Variants in SSB observed in about 807,000 individuals in gnomAD.
SSB encodes the protein lupus La protein.
A neutral mutation model predicts 52.9 loss-of-function variants in SSB; 17 were observed. The observed-to-expected ratio is 0.32, with a 90% CI of 0.22 to 0.48. The LOEUF (loss-of-function observed/expected upper bound fraction) is 0.48. Ranked by LOEUF, SSB falls within the 20% of genes least tolerant of loss-of-function variation. The probability of loss-of-function intolerance (pLI) is 0.99; values close to 1 mark genes in which losing one functional copy is unlikely to be tolerated. For synonymous variants in SSB, 111 were observed against 152.1 expected (o/e 0.73, Z 1.99); for missense variants, 314 against 463.6 (o/e 0.68, Z 2.96).
chr2:169,806,326 A>T (rs945780539), intron 4 of SSB, among the ~76,000 whole-genome samples: 1 of 152,186 alleles, frequency 6.6e-6, no homozygotes, highest in African/African-American at 2.4e-5. Context: ...TGAGAATTAA[A>T]TGAAAAAAAA....
chr2:169,811,276 T>C lies in SSB; in HGVS notation c.1091T>C (p.Phe364Ser). ...CAGTTTCAGGGCAAGAAAACGAAAT[T>C]TGCTAGTGATGATGAACATGATGAA... ...KVQFQGKKTK[F>S]ASDDEHDEHD... is the part of the protein sequence containing the mutation. Residue 364 changes from phenylalanine to serine, a missense_variant, in exon 11 of 12, where the codon TTT becomes TCT. Physicochemically the swap from Phe to Ser is radical, Grantham distance 155 (BLOSUM62 -2). Coordinates refer to ENST00000260956, the MANE Select transcript of SSB (RefSeq NM_003142.5). The C allele has an allele frequency of 2.5e-6, 4 of 1,609,726 alleles. No individual in the cohort carries two copies. The highest frequency in any genetic ancestry group is 3.4e-6 in the Non-Finnish European group (4 of 1,178,990).
In SSB at chr2:169,811,916, G is replaced by T; in HGVS notation, c.*160G>T. ...ACTTGTCTTTTTGTTATGCAAATGA[G>T]ATTTCTTTGAATGTATTGTTCTGTT... On this transcript the variant is annotated 3_prime_UTR_variant, in exon 12 of 12. Transcript: ENST00000260956. 6.4e-7 allele frequency: 1 copy of T among 1,553,022 alleles called. No homozygotes were observed. The highest frequency in any genetic ancestry group is 8.8e-7 in the Non-Finnish European group (1 of 1,130,474).
intron 1 of SSB, 54 bp from the exon 2 acceptor site, chr2:169,800,898 A>T (rs372338399): frequency 6.8e-6 from 9 of 1,328,306 alleles, no homozygotes; most frequent in Non-Finnish European, 9.4e-6. Flanking sequence ...TTATCTTTCT[A>T]TTCTTGAGTT....
chr2:169,805,052 C>T lies in SSB; in HGVS notation c.67-422C>T, dbSNP rs368200262. On this transcript the variant is annotated intron_variant, in intron 2 of 11. Transcript: ENST00000260956. The stretch of plus-strand genomic sequence containing the variant: ...GGCTGAGGCAGGAGAATCACTTGAA[C>T]CTGGGAAGCGGAGGTTGCGGCAAGC... 2.6e-5 allele frequency among the ~76,000 whole-genome samples: 4 copies of T among 152,086 alleles called. No individual in the cohort carries two copies. In the South Asian group the frequency reaches 6.2e-4, roughly 24 times the overall value.
At chr2:169,802,736 A>AT (rs1344602355) in intron 2 of SSB, among the ~76,000 whole-genome samples, 1 of 152,070 alleles carries the variant, frequency 6.6e-6, no homozygotes, top group Non-Finnish European at 1.5e-5. Context: ...AGGTACAGAG[A>AT]TTTTCCATAT....
rs112600717 is a variant in SSB, at chr2:169,807,409, C to T, written c.554+338C>T. Among the ~76,000 whole-genome samples, 1,284 of 152,228 alleles carry T rather than the reference C, an allele frequency of 8.4e-3. 14 individuals carry two copies. Among genetic ancestry groups the T allele is most frequent in the Middle Eastern group, 0.051 (15 of 292 alleles). On this transcript the variant is annotated intron_variant, in intron 6 of 11. Coordinates refer to ENST00000260956, the MANE Select transcript of SSB (RefSeq NM_003142.5). ...GTTCAAGCGATTCTCCTGCCTCAGCCTCCTGAGTAGCTGGGACTACAGGCG... is the reference window on the plus strand; with the variant it reads ...GTTCAAGCGATTCTCCTGCCTCAGCTTCCTGAGTAGCTGGGACTACAGGCG...
intron 1 of SSB, 71 bp downstream of exon 1, chr2:169,799,047 C>T (rs536810277): frequency 2.6e-5 from 4 of 152,286 alleles, no homozygotes; most frequent in Non-Finnish European, 5.9e-5. Flanking sequence ...CTGCGCGTTT[C>T]CGTTCTTTAC....
intron 1 of SSB, among the ~76,000 whole-genome samples, chr2:169,800,383 TAGTC>T (rs1389001441): frequency 6.6e-5 from 10 of 151,796 alleles, no homozygotes; most frequent in South Asian, 4.2e-4. Context: ...ATACAAAAAT[TAGTC>T]AGCCGCAGCC....
chr2:169,811,141 T>A, intron 10 of SSB, 42 bp from the exon 11 acceptor site: 1 of 1,593,242 alleles, frequency 6.3e-7, no homozygotes, highest in Admixed American at 1.9e-5. Context: ...ACAAGAGACT[T>A]AAAAAAAGTT....
chr2:169,807,290 C>T (rs3135036), intron 6 of SSB, among the ~76,000 whole-genome samples: 2 of 151,674 alleles, frequency 1.3e-5, no homozygotes, highest in African/African-American at 4.8e-5. Context: ...ATTTTTTTTT[C>T]TTTTTCTTTT....
At chr2:169,810,116 A>T (rs953916418) in intron 8 of SSB, 167 bp from the exon 9 acceptor site, 11 of 373,554 alleles carry the variant, frequency 2.9e-5, no homozygotes, top group African/African-American at 1.1e-4. Flanking sequence ...TATTATTATT[A>T]TTTTTTGAGA....
chr2:169,799,100 C>G (rs948199523), intron 1 of SSB, 124 bp downstream of exon 1: 2 of 152,102 alleles, frequency 1.3e-5, no homozygotes, highest in Non-Finnish European at 2.9e-5. Flanking sequence ...TCCTCACGTT[C>G]AGGCCGAGCG....
At position 169,805,498 on chromosome 2, in the gene SSB, C is replaced by A; in HGVS notation, c.91C>A (p.Pro31Thr). Residue 31 changes from proline to threonine, a missense_variant, in exon 3 of 12, where the codon CCA (proline) becomes ACA (threonine). By Grantham distance (38) the Pro-to-Thr change is conservative. Coordinates refer to ENST00000260956, the MANE Select transcript of SSB (RefSeq NM_003142.5). The stretch of plus-strand genomic sequence containing the variant: ...GTATTATTTTGGCGACTTCAATTTG[C>A]CACGGGACAAGTTTCTAAAGGAACA... ...IEYYFGDFNL[P>T]RDKFLKEQIK... is the part of the protein sequence containing the mutation. 4 of 1,613,208 alleles carry A rather than the reference C, an allele frequency of 2.5e-6. No homozygotes were observed. Among genetic ancestry groups the A allele is most frequent in the Middle Eastern group, 3.6e-4 (2 of 5,628 alleles).
intron 2 of SSB, among the ~76,000 whole-genome samples, chr2:169,804,812 G>A (rs1689793207): frequency 2.1e-5 from 1 of 46,968 alleles, no homozygotes; most frequent in Non-Finnish European, 5.7e-5. Flanking sequence ...GTGCGGCACC[G>A]TGCCTGGCCC....
intron 11 of SSB, 29 bp downstream of exon 11, chr2:169,811,352 T>G: frequency 1.3e-6 from 2 of 1,520,072 alleles, no homozygotes; most frequent in Non-Finnish European, 1.8e-6. Flanking sequence ...CTTTGGTAGT[T>G]TCATGAGAAA....
At chr2:169,801,509 G>GTTTTTTTTTTTTTTTTTTTTTTT (rs79940369) in intron 2 of SSB, among the ~76,000 whole-genome samples, 1 of 73,666 alleles carries the variant, frequency 1.4e-5, no homozygotes, top group Non-Finnish European at 2.5e-5. Context: ...CTTTAATATA[G>GTTTTTTTTTTTTTTTTTTTTTTT]TTTTTTTTTT....
chr2:169,799,278 CTTTTTTTTTTT>C (rs55750138), intron 1 of SSB: 2 of 103,372 alleles, frequency 1.9e-5, no homozygotes, highest in Admixed American at 2.3e-4. Context: ...CCCATTGCGT[CTTTTTTTTTTT>C]TTTTTTTTTT....
chr2:169,803,490 T>C (rs571719733), intron 2 of SSB, among the ~76,000 whole-genome samples: 1 of 152,240 alleles, frequency 6.6e-6, no homozygotes, highest in Non-Finnish European at 1.5e-5. Context: ...CCTCGGGTGA[T>C]CCACCTGCTT....
At position 169,801,509 on chromosome 2, in the gene SSB, G is replaced by GTTTTT. The variant is rs79940369; in HGVS notation, c.66+502_66+506dup. On this transcript the variant is annotated intron_variant, in intron 2 of 11. Transcript: ENST00000260956. ...TCTCAGCTATTGTAACTTTAATATAGTTTTTTTTTTTTTTTTTTTTTTTGA... is the reference window on the plus strand; with the variant it reads ...TCTCAGCTATTGTAACTTTAATATAGTTTTTTTTTTTTTTTTTTTTTTTTTTTTGA... Among the ~76,000 whole-genome samples, 45 of 73,664 alleles carry GTTTTT rather than the reference G, an allele frequency of 6.1e-4. 2 individuals are homozygous for GTTTTT. The highest frequency in any genetic ancestry group is 1.7e-3 in the African/African-American group (33 of 19,246). 48.3% of individuals were successfully genotyped at this position (73,664 alleles called of 152,430 possible).
Sources: gnomAD v4.1 joint callset for allele counts (sites outside exome capture counted in the v4.1 genomes callset) on GRCh38, gnomAD v4.1.1 for gene constraint, MANE v1.5 for transcripts, NCBI Gene and HGNC (gene_info 2026-07-23, HGNC 2026-07-21) for gene names.